AGBL2: variants seen among roughly 807,000 people sequenced by gnomAD.
AGBL2 encodes cytosolic carboxypeptidase 2.
AGBL2 carries 87 observed loss-of-function variants against 103.0 expected under a neutral mutation model. The ratio of observed to expected loss-of-function variants is 0.84; its 90% CI spans 0.71 to 1.01. AGBL2 has a LOEUF of 1.01. Among genes scored for constraint, AGBL2 ranks in the 50% least tolerant of loss-of-function variants. AGBL2 has a pLI of 0.00. For synonymous variants in AGBL2, 335 were observed against 356.7 expected (o/e 0.94, Z 0.69); for missense variants, 904 against 1,023.5 (o/e 0.88, Z 1.59).
chr11:47,663,026 C>T lies in AGBL2; in HGVS notation c.2535G>A (p.Gln845=). 1 of 1,606,204 alleles carries T rather than the reference C, an allele frequency of 6.2e-7. No homozygotes were observed. The highest frequency in any genetic ancestry group is 1.7e-5 in the Admixed American group (1 of 58,554). ...LILPKNKGRM[Q]NKKPGFTVSC... ...ATATACAGTATATTAGGTGAAGTAC[C>T]TGCATTCTCCCTTTATTCTTAGGCA... Residue 845 remains glutamine, a splice_region_variant and synonymous_variant, in exon 18 of 19, where the codon CAG becomes CAA. Coordinates refer to ENST00000525123, the MANE Select transcript of AGBL2 (RefSeq NM_024783.4).
rs1412805269 is a variant in AGBL2, at chr11:47,689,928, G to A, written c.1631+148C>T. ...AGTCTGAAAATTAACAAAGTCACTT[G>A]ACTACAAAGAGACTGGTAAGGGCTC... is the stretch of plus-strand genomic sequence containing the variant. On this transcript the variant is annotated intron_variant, in intron 10 of 18. Coordinates refer to ENST00000525123, the MANE Select transcript of AGBL2 (RefSeq NM_024783.4). 4 of 623,138 alleles carry A rather than the reference G, an allele frequency of 6.4e-6. No homozygotes were observed. The East Asian group carries it at 1.2e-4, about 19-fold the overall frequency. The allele number at this position is 623,138 out of a possible 1,614,324, so 38.6% of individuals were successfully genotyped here. A position where few individuals can be genotyped will look rare whatever the true frequency, so the allele number is the denominator to read the frequency against.
At chr11:47,687,114 AACTT>A (rs1449201552) in intron 10 of AGBL2, among the ~76,000 whole-genome samples, 3 of 149,520 alleles carry the variant, frequency 2.0e-5, no homozygotes, top group Non-Finnish European at 3.0e-5. Context: ...TGTACCCTGA[AACTT>A]AAAGTATAAT....
chr11:47,703,951 A>AG (rs2097508026), intron 7 of AGBL2, among the ~76,000 whole-genome samples: 1 of 150,662 alleles, frequency 6.6e-6, no homozygotes, highest in African/African-American at 2.4e-5. Context: ...CAAAAAAAAA[A>AG]CTAGCCAGGC....
In AGBL2 at chr11:47,666,604, G is replaced by C. The variant is rs2097342014; in HGVS notation, c.2448+352C>G. ...GTTGCATTCACAGCATCCAGTAAAG[G>C]GACTGGCATGTAGTAGGTGCCCAAT... On this transcript the variant is annotated intron_variant, in intron 17 of 18. Coordinates refer to ENST00000525123, the MANE Select transcript of AGBL2 (RefSeq NM_024783.4). The C allele has an allele frequency of 7.8e-6, 4 of 510,856 alleles. No individual in the cohort carries two copies. In the South Asian group the frequency reaches 1.2e-4, roughly 15 times the overall value. 31.6% of individuals were successfully genotyped at this position (510,856 alleles called of 1,614,324 possible).
chr11:47,679,339 C>CTCA (rs2097392149), intron 13 of AGBL2, among the ~76,000 whole-genome samples: 1 of 151,534 alleles, frequency 6.6e-6, no homozygotes, highest in African/African-American at 2.4e-5. Context: ...TGCAATGAGC[C>CTCA]GTGATCACCC....
chr11:47,682,479 T>C (rs1010116997), intron 11 of AGBL2, among the ~76,000 whole-genome samples: 4 of 152,154 alleles, frequency 2.6e-5, no homozygotes, highest in Non-Finnish European at 5.9e-5. Context: ...TTTGCAGGAA[T>C]TGGTTTCCTA....
At chr11:47,668,097 T>C (rs1482622713) in intron 15 of AGBL2, among the ~76,000 whole-genome samples, 1 of 151,026 alleles carries the variant, frequency 6.6e-6, no homozygotes, top group Non-Finnish European at 1.5e-5. Context: ...TAATCCCAGT[T>C]ACTCAGGAGG....
At chr11:47,696,010 C>CACAAAAAAAAAA (rs2097469033) in intron 8 of AGBL2, among the ~76,000 whole-genome samples, 1 of 17,200 alleles carries the variant, frequency 5.8e-5, no homozygotes, top group Non-Finnish European at 9.3e-5. Context: ...ACTAAAAATA[C>CACAAAAAAAAAA]AAAAAAAAAA....
chr11:47,662,991 G>A (rs1162154940), intron 18 of AGBL2, 35 bp downstream of exon 18: 2 of 1,431,950 alleles, frequency 1.4e-6, no homozygotes, highest in African/African-American at 1.4e-5. Context: ...TTAATCACTG[G>A]CATATAAGTA....
At chr11:47,700,993 C>A (rs2153804958) in intron 7 of AGBL2, among the ~76,000 whole-genome samples, 1 of 151,120 alleles carries the variant, frequency 6.6e-6, no homozygotes, top group African/African-American at 2.4e-5. Context: ...GAGACAGAGG[C>A]TGCAGTGAGC....
At chr11:47,711,084 TA>T (rs200827901) in intron 3 of AGBL2, among the ~76,000 whole-genome samples, 47 of 148,230 alleles carry the variant, frequency 3.2e-4, no homozygotes, top group Middle Eastern at 3.5e-3. Context: ...AAAAATAAAT[TA>T]AAAAAAAAAT....
intron 11 of AGBL2, among the ~76,000 whole-genome samples, chr11:47,683,848 T>A (rs1192974509): frequency 1.3e-5 from 2 of 149,496 alleles, no homozygotes; most frequent in Non-Finnish European, 3.0e-5. Flanking sequence ...TTTGGGAGGC[T>A]GAGGTGGTGA....
intron 3 of AGBL2, chr11:47,711,048 A>T: frequency 3.2e-6 from 1 of 314,866 alleles, no homozygotes; most frequent in Non-Finnish European, 6.2e-6. Flanking sequence ...CTGCACATGT[A>T]CCCTCTAATC....
chr11:47,678,332 T>TA (rs1166775247), intron 13 of AGBL2, among the ~76,000 whole-genome samples: 91 of 136,018 alleles, frequency 6.7e-4, no homozygotes, highest in South Asian at 4.0e-3. Flanking sequence ...TTTATTTTAT[T>TA]TTATTATTTT....
intron 7 of AGBL2, among the ~76,000 whole-genome samples, chr11:47,699,871 GA>G (rs1301456875): frequency 6.6e-6 from 1 of 152,124 alleles, no homozygotes; most frequent in African/African-American, 2.4e-5. Context: ...TCCTTAAAGT[GA>G]GCAAAATATG....
intron 14 of AGBL2, 31 bp downstream of exon 14, chr11:47,677,240 A>G: frequency 6.5e-7 from 1 of 1,526,778 alleles, no homozygotes; most frequent in Non-Finnish European, 8.8e-7. Flanking sequence ...AGTATTTAAA[A>G]AAAAACAAAA....
chr11:47,678,331 T>TTA (rs2097384667), intron 13 of AGBL2, among the ~76,000 whole-genome samples: 1 of 135,638 alleles, frequency 7.4e-6, no homozygotes, highest in Non-Finnish European at 1.7e-5. Context: ...TTTTATTTTA[T>TTA]TTTATTATTT....
intron 14 of AGBL2, among the ~76,000 whole-genome samples, chr11:47,669,982 C>G (rs1037420153): frequency 3.3e-5 from 5 of 152,228 alleles, no homozygotes; most frequent in African/African-American, 1.2e-4. Flanking sequence ...AAGCAGTGTG[C>G]TAGGCACAGG....
intron 1 of AGBL2, chr11:47,714,957 C>G: frequency 2.6e-6 from 1 of 384,408 alleles, no homozygotes; most frequent in Non-Finnish European, 4.8e-6. Context: ...CCATGCTTCC[C>G]TTTCCCTGAG....
Sources: gnomAD v4.1 joint callset for allele counts (sites outside exome capture counted in the v4.1 genomes callset) on GRCh38, gnomAD v4.1.1 for gene constraint, MANE v1.5 for transcripts, NCBI Gene and HGNC (gene_info 2026-07-23, HGNC 2026-07-21) for gene names.